Variants in RNF19B observed in about 807,000 individuals in gnomAD.
The protein encoded by RNF19B is E3 ubiquitin-protein ligase RNF19B.
In RNF19B, 23 loss-of-function variants were observed where a neutral mutation model predicts 65.5. The ratio of observed to expected loss-of-function variants is 0.35; its 90% CI spans 0.25 to 0.50. The LOEUF (loss-of-function observed/expected upper bound fraction) is 0.50. RNF19B is among the 20% of genes least tolerant of loss of function. The pLI, the probability that RNF19B is intolerant of heterozygous loss-of-function variation, is 0.98. For missense variants in RNF19B, 794 were observed against 980.0 expected (o/e 0.81, Z 2.53); for synonymous variants, 372 against 379.6 (o/e 0.98, Z 0.23).
rs535023722 is a variant in RNF19B, at chr1:32,961,785, T to A, written c.635+2266A>T. 7.2e-5 allele frequency among the ~76,000 whole-genome samples: 11 copies of A among 152,248 alleles called. No individual in the cohort carries two copies. The East Asian group carries it at 7.7e-4, about 11-fold the overall frequency. The stretch of plus-strand genomic sequence containing the variant: ...ATAACTTCCAAATAGTTGAGAGTTG[T>A]CACCAAGCTTGAAAATTATTTTCTG... On this transcript the variant is annotated intron_variant, in intron 1 of 8. Coordinates refer to ENST00000235150, the MANE Select transcript of RNF19B (RefSeq NM_001300826.2).
At position 32,944,126 on chromosome 1, in the gene RNF19B, T is replaced by C; in HGVS notation, c.1295A>G (p.Tyr432Cys). 1 of 1,613,930 alleles carries C rather than the reference T, an allele frequency of 6.2e-7. No homozygotes were observed. Among genetic ancestry groups the C allele is most frequent in the Non-Finnish European group, 8.5e-7 (1 of 1,179,938 alleles). Reference protein sequence around the residue: ...IGVPIMLAYVYGVVPISLCRG... With the variant: ...IGVPIMLAYVCGVVPISLCRG... ...ACAAAGAGAAATGGGCACAACCCCA[T>C]AAACATATGCCAGCATAATGGGGAC... is the stretch of plus-strand genomic sequence containing the variant. Residue 432 changes from tyrosine to cysteine, a missense_variant, in exon 6 of 9, where the codon TAT (tyrosine) becomes TGT (cysteine). By Grantham distance (194) the Tyr-to-Cys change is radical (BLOSUM62 -2). Coordinates refer to ENST00000235150, the MANE Select transcript of RNF19B (RefSeq NM_001300826.2).
chr1:32,955,813 G>C (rs1329757456), intron 1 of RNF19B, among the ~76,000 whole-genome samples: 1 of 151,592 alleles, frequency 6.6e-6, no homozygotes, highest in African/African-American at 2.4e-5. Flanking sequence ...TGTCCACTTT[G>C]TTCCTTCTCT....
intron 8 of RNF19B, 51 bp from the exon 9 acceptor site, chr1:32,937,310 C>T: frequency 6.2e-7 from 1 of 1,609,988 alleles, no homozygotes; most frequent in South Asian, 1.1e-5. Context: ...CATGCTAAAC[C>T]TGTTGGTAAA....
chr1:32,943,899 C>A, intron 6 of RNF19B, 120 bp downstream of exon 6: 1 of 1,016,084 alleles, frequency 9.8e-7, no homozygotes, highest in South Asian at 1.6e-5. Flanking sequence ...ACTTTACCCC[C>A]TACAAAGCTC....
chr1:32,945,950 C>T (rs887462631), intron 4 of RNF19B, among the ~76,000 whole-genome samples: 6 of 151,776 alleles, frequency 4.0e-5, no homozygotes, highest in African/African-American at 7.3e-5. Flanking sequence ...GCAACCTCTA[C>T]GTCCCTGGGC....
In RNF19B at chr1:32,942,446, C is replaced by G. The variant is rs538267692; in HGVS notation, c.1416G>C (p.Trp472Cys). The change falls in exon 7 of 9, where the codon TGG (tryptophan) becomes TGC (cysteine). Residue 472 changes from tryptophan (W) to cysteine (C), a missense_variant. Trp to Cys is a radical substitution (Grantham distance 215, BLOSUM62 -2). This residue lies in a region of RNF19B where 368 missense variants were observed against 447.3 expected (regional missense o/e 0.82). Transcript: ENST00000235150. ...CAATGCTGGGATTCTTGAGGGCTCT[C>G]CAGGCATCTGCCACTGGGGATAGAA... is the stretch of plus-strand genomic sequence containing the variant. ...DDGPITVADA[W>C]RALKNPSIGE... 5 of 1,613,910 alleles carry G rather than the reference C, an allele frequency of 3.1e-6. No individual in the cohort carries two copies. The South Asian group carries it at 5.5e-5, about 18-fold the overall frequency.
chr1:32,954,822 T>C (rs186885027), intron 1 of RNF19B, among the ~76,000 whole-genome samples: 2 of 152,014 alleles, frequency 1.3e-5, no homozygotes, highest in East Asian at 3.9e-4. Flanking sequence ...CAAACGTAGC[T>C]AAACACGTTC....
At position 32,963,229 on chromosome 1, in the gene RNF19B, G is replaced by A. The variant is rs568442359; in HGVS notation, c.635+822C>T. Among the ~76,000 whole-genome samples the A allele has an allele frequency of 2.6e-5, 4 of 152,200 alleles. No homozygotes were observed. The East Asian group carries it at 7.7e-4, about 29-fold the overall frequency. On this transcript the variant is annotated intron_variant, in intron 1 of 8. Transcript: ENST00000235150. ...GTGGCACAGAACACATAGTGCTCAG[G>A]GTACCCGAGAGCCTATTCCCCAGTC... is the stretch of plus-strand genomic sequence containing the variant.
chr1:32,958,490 G>C (rs1642694276), intron 1 of RNF19B, among the ~76,000 whole-genome samples: 1 of 152,202 alleles, frequency 6.6e-6, no homozygotes, highest in Non-Finnish European at 1.5e-5. Context: ...GCTGAGATGG[G>C]TGGATCACGA....
Position 32,942,551 on chromosome 1 carries a change from G to A in RNF19B, c.1403-92C>T, listed in dbSNP as rs1570087913. The A allele has an allele frequency of 1.4e-5, 15 of 1,037,466 alleles. No individual in the cohort carries two copies. The East Asian group carries it at 1.8e-4, about 12-fold the overall frequency. The allele number at this position is 1,037,466 out of a possible 1,614,324, so 64.3% of individuals were successfully genotyped here. On this transcript the variant is annotated intron_variant, in intron 6 of 8. Transcript: ENST00000235150. ...TGCAATGACTTTTCAGAGAACTAATGTATTTACTTAATGAACAGGTACTGT... is the reference window on the plus strand; with the variant it reads ...TGCAATGACTTTTCAGAGAACTAATATATTTACTTAATGAACAGGTACTGT...
At chr1:32,955,748 CAAAA>C (rs71571730) in intron 1 of RNF19B, among the ~76,000 whole-genome samples, 10 of 111,694 alleles carry the variant, frequency 9.0e-5, no homozygotes, top group Admixed American at 1.7e-4. Context: ...AACCCTGTCT[CAAAA>C]AAAAAAAAAA....
chr1:32,959,759 C>T (rs982099466), intron 1 of RNF19B, among the ~76,000 whole-genome samples: 9 of 151,838 alleles, frequency 5.9e-5, no homozygotes, highest in Non-Finnish European at 1.2e-4. Context: ...AATGTGAGGC[C>T]GGGCACAGTG....
At chr1:32,958,498 C>T (rs1642694564) in intron 1 of RNF19B, among the ~76,000 whole-genome samples, 2 of 152,034 alleles carry the variant, frequency 1.3e-5, no homozygotes, top group Non-Finnish European at 2.9e-5. Context: ...GGGTGGATCA[C>T]GAGGTCAGGA....
chr1:32,944,205 G>A lies in RNF19B; in HGVS notation c.1262-46C>T, dbSNP rs776457529. ...ATGTCAGCTGGCTATTAGGTTGCAA[G>A]TGCCCTGAATTCTTCTTCCCAGTCT... is the stretch of plus-strand genomic sequence containing the variant. On this transcript the variant is annotated intron_variant, in intron 5 of 8. Coordinates refer to ENST00000235150, the MANE Select transcript of RNF19B (RefSeq NM_001300826.2). 5.7e-6 allele frequency: 9 copies of A among 1,567,858 alleles called. No homozygotes were observed. In the South Asian group the frequency reaches 9.3e-5, roughly 16 times the overall value.
the RNF19B span, among the ~76,000 whole-genome samples, chr1:32,930,504 C>T: frequency 6.6e-6 from 1 of 151,476 alleles, no homozygotes; most frequent in Non-Finnish European, 1.5e-5. Flanking sequence ...TCCCTGAGTT[C>T]AAGGAATCCT....
chr1:32,945,468 TG>T, intron 5 of RNF19B, 45 bp downstream of exon 5: 1 of 1,254,504 alleles, frequency 8.0e-7, no homozygotes, highest in Non-Finnish European at 1.2e-6. Flanking sequence ...TAAACTGCTA[TG>T]GTCAGAAAGC....
intron 1 of RNF19B, among the ~76,000 whole-genome samples, chr1:32,951,778 C>T (rs1642504758): frequency 6.6e-6 from 1 of 152,042 alleles, no homozygotes; most frequent in East Asian, 1.9e-4. Flanking sequence ...GCCATACCTC[C>T]CTTTCTCTCT....
Position 32,963,960 on chromosome 1 carries a change from T to C in RNF19B, c.635+91A>G, listed in dbSNP as rs985075473. 1.7e-5 allele frequency: 23 copies of C among 1,355,862 alleles called. No homozygotes were observed. In the African/African-American group the frequency reaches 3.3e-4, roughly 19 times the overall value. 84.0% of individuals were successfully genotyped at this position (1,355,862 alleles called of 1,614,324 possible). On this transcript the variant is annotated intron_variant, in intron 1 of 8. Transcript: ENST00000235150. ...GAAGCTGCCGCCTTGCGGGTTTCCC[T>C]GCTTGGGACACCCACGCGGGGTCCC...
At chr1:32,935,000 T>G (rs1228001479), downstream of RNF19B, among the ~76,000 whole-genome samples, 1 of 144,988 alleles carries the variant, frequency 6.9e-6, no homozygotes, top group Non-Finnish European at 1.5e-5. Flanking sequence ...CCCAGCTAAT[T>G]TTTGTATTTT....
Sources: allele counts gnomAD v4.1 joint callset (sites outside exome capture counted in the v4.1 genomes callset), GRCh38; gene constraint gnomAD v4.1.1; regional missense constraint gnomAD v4.1.1; transcripts MANE v1.5; gene names NCBI Gene and HGNC (gene_info 2026-07-23, HGNC 2026-07-21).